The following ACADSB variants were observed in gnomAD, a reference collection of about 807,000 sequenced individuals.
ACADSB encodes the protein short/branched chain specific acyl-CoA dehydrogenase, mitochondrial.
In ACADSB, 40 loss-of-function variants were observed where a neutral mutation model predicts 54.1. The observed-to-expected ratio is 0.74, with a 90% CI of 0.57 to 0.96. ACADSB has a LOEUF of 0.96. Among genes scored for constraint, ACADSB ranks in the 40% least tolerant of loss-of-function variants. The probability of loss-of-function intolerance (pLI) is 0.00; values close to 1 mark genes in which losing one functional copy is unlikely to be tolerated. For missense variants in ACADSB, 530 were observed against 510.4 expected, an observed-to-expected ratio of 1.04 and a Z score of -0.37; for synonymous variants, 182 against 182.8, an observed-to-expected ratio of 1.00 and a Z score of 0.03.
At chr10:123,045,137 A>G in intron 7 of ACADSB, among the ~76,000 whole-genome samples, 2 of 10,950 alleles carry the variant, frequency 1.8e-4, no homozygotes, top group Admixed American at 3.3e-3. Context: ...GAGTGTATAT[A>G]TATATATATA....
chr10:123,043,233 G>A, intron 6 of ACADSB, 62 bp downstream of exon 6: 1 of 1,601,718 alleles, frequency 6.2e-7, no homozygotes, highest in East Asian at 2.2e-5. Context: ...TGGAACCACA[G>A]GAGGTGTGCA....
chr10:123,051,305 T>G (rs779679250), intron 9 of ACADSB, 119 bp downstream of exon 9: 42 of 1,242,882 alleles, frequency 3.4e-5, no homozygotes, highest in Middle Eastern at 5.7e-4. Context: ...TTTTTCAAGT[T>G]AAGATAACAT....
intron 5 of ACADSB, among the ~76,000 whole-genome samples, chr10:123,042,645 A>G (rs979079600): frequency 2.0e-5 from 3 of 150,124 alleles, no homozygotes; most frequent in Non-Finnish European, 3.0e-5. Context: ...ACGTTTTTTC[A>G]CCATGTTGGC....
At chr10:123,045,180 T>A (rs1850544938) in intron 7 of ACADSB, among the ~76,000 whole-genome samples, 6 of 78,894 alleles carry the variant, frequency 7.6e-5, no homozygotes, top group African/African-American at 2.9e-4. Context: ...TATTTTTTTT[T>A]TTTTTTTTTT....
intron 6 of ACADSB, 76 bp from the exon 7 acceptor site, chr10:123,044,317 G>A: frequency 7.9e-7 from 1 of 1,260,532 alleles, no homozygotes; most frequent in African/African-American, 1.5e-5. Flanking sequence ...GAGAGTCTAT[G>A]TGTACTTACA....
chr10:123,036,294 C>G (rs1423333582), intron 2 of ACADSB, among the ~76,000 whole-genome samples: 1 of 152,164 alleles, frequency 6.6e-6, no homozygotes, highest in East Asian at 1.9e-4. Flanking sequence ...ACCATGTTAG[C>G]CAGGCTGGTC....
chr10:123,010,892 G>T (rs763271263), intron 1 of ACADSB, among the ~76,000 whole-genome samples: 3 of 152,210 alleles, frequency 2.0e-5, no homozygotes, highest in Non-Finnish European at 2.9e-5. Context: ...AGGGGCTACA[G>T]TCTGCGTGCA....
At position 123,056,347 on chromosome 10, in the gene ACADSB, G is replaced by A; in HGVS notation, c.*2582G>A. 4.3e-6 allele frequency: 1 copy of A among 230,438 alleles called. No homozygotes were observed. Among genetic ancestry groups the A allele is most frequent in the Non-Finnish European group, 8.6e-6 (1 of 116,556 alleles). 14.3% of individuals were successfully genotyped at this position (230,438 alleles called of 1,614,324 possible). ...GGTGGCAAGAGAAAATGAAGAAGAA[G>A]CAAAAGTGGAAACCCCTGATAAACC... On this transcript the variant is annotated 3_prime_UTR_variant, in exon 11 of 11. Coordinates refer to ENST00000358776, the MANE Select transcript of ACADSB (RefSeq NM_001609.4).
chr10:123,043,282 C>A, intron 6 of ACADSB, 111 bp downstream of exon 6: 1 of 1,341,346 alleles, frequency 7.5e-7, no homozygotes. Flanking sequence ...TAAGCACACG[C>A]AGGAGAGTAT....
At chr10:123,032,907 C>T (rs1850347122) in intron 1 of ACADSB, among the ~76,000 whole-genome samples, 1 of 151,948 alleles carries the variant, frequency 6.6e-6, no homozygotes. Context: ...CCATTCTTTC[C>T]CCCCTTTCTT....
intron 7 of ACADSB, among the ~76,000 whole-genome samples, chr10:123,046,979 G>C (rs1038761916): frequency 2.0e-5 from 3 of 152,208 alleles, no homozygotes; most frequent in African/African-American, 7.2e-5. Flanking sequence ...AGAATTAAAT[G>C]TGCTCATATT....
At chr10:123,047,455 A>G (rs1056667319) in intron 8 of ACADSB, among the ~76,000 whole-genome samples, 157 bp downstream of exon 8, 1 of 151,938 alleles carries the variant, frequency 6.6e-6, no homozygotes, top group East Asian at 1.9e-4. Flanking sequence ...TGTACTTGTG[A>G]ATGCCTTGAT....
Position 123,034,456 on chromosome 10 carries a change from G to A in ACADSB, c.143G>A (p.Gly48Glu). The change falls in exon 2 of 11, where the codon GGA becomes GAA. Residue 48 changes from glycine (G) to glutamate (E), a missense_variant. By Grantham distance (98) the Gly-to-Glu change is moderately conservative. Coordinates refer to ENST00000358776, the MANE Select transcript of ACADSB (RefSeq NM_001609.4). ...GCTCTACTCAATATAACAAATAATGGAATACACTTTGCTCCCCTGCAAACA... is the reference window on the plus strand; with the variant it reads ...GCTCTACTCAATATAACAAATAATGAAATACACTTTGCTCCCCTGCAAACA... ...SEALLNITNN[G>E]IHFAPLQTFT... 6.2e-7 allele frequency: 1 copy of A among 1,612,930 alleles called. No homozygotes were observed. Among genetic ancestry groups the A allele is most frequent in the Non-Finnish European group, 8.5e-7 (1 of 1,179,844 alleles).
rs1850676251 is a variant in ACADSB at position 123,054,272 on chromosome 10, G to A, written c.*507G>A. On this transcript the variant is annotated 3_prime_UTR_variant, in exon 11 of 11. Coordinates refer to ENST00000358776, the MANE Select transcript of ACADSB (RefSeq NM_001609.4). ...CTGGCTTCTGGATATCGCCCACCTT[G>A]GCCTCCCAAAGTGCTGGGATTACAG... 1 of 158,892 alleles carries A rather than the reference G, an allele frequency of 6.3e-6. No homozygotes were observed. The highest frequency in any genetic ancestry group is 2.4e-5 in the African/African-American group (1 of 41,434). The allele number at this position is 158,892 out of a possible 1,614,324, so 9.8% of individuals were successfully genotyped here.
chr10:123,041,961 C>CTT (rs140208568), intron 5 of ACADSB, among the ~76,000 whole-genome samples: 1 of 122,540 alleles, frequency 8.2e-6, no homozygotes, highest in Admixed American at 9.6e-5. Flanking sequence ...AATCTTTTTT[C>CTT]TTTTCTTTTT....
In ACADSB at chr10:123,057,340, A is replaced by G. The variant is rs1850721560; in HGVS notation, c.*3575A>G. On this transcript the variant is annotated 3_prime_UTR_variant, in exon 11 of 11. Transcript: ENST00000358776. ...TAAAATTAATTATGTGTTATAGTTA[A>G]TATATGCACCTACCTTCTTCCGTTA... 1 of 152,254 alleles carries G rather than the reference A, an allele frequency of 6.6e-6. No individual in the cohort carries two copies. Among genetic ancestry groups the G allele is most frequent in the South Asian group, 2.1e-4 (1 of 4,834 alleles). The allele number at this position is 152,254 out of a possible 1,614,324, so 9.4% of individuals were successfully genotyped here.
At position 123,057,915 on chromosome 10, in the gene ACADSB, T is replaced by C. The variant is rs1369243472; in HGVS notation, c.*4150T>C. 1 of 152,240 alleles carries C rather than the reference T, an allele frequency of 6.6e-6. No homozygotes were observed. Among genetic ancestry groups the C allele is most frequent in the Non-Finnish European group, 1.5e-5 (1 of 68,048 alleles). 9.4% of individuals were successfully genotyped at this position (152,240 alleles called of 1,614,324 possible). On this transcript the variant is annotated 3_prime_UTR_variant, in exon 11 of 11. Coordinates refer to ENST00000358776, the MANE Select transcript of ACADSB (RefSeq NM_001609.4). The stretch of plus-strand genomic sequence containing the variant: ...TGCCCCTTTCGACAAATTTTGGATT[T>C]CATTCTTGTTATATTTCAGTACTCT...
chr10:123,009,039 C>A lies in ACADSB; in HGVS notation c.10C>A (p.Leu4Met). 1 of 1,548,096 alleles carries A rather than the reference C, an allele frequency of 6.5e-7. No homozygotes were observed. The highest frequency in any genetic ancestry group is 1.2e-5 in the South Asian group (1 of 84,032). Reference protein sequence around the residue: MEGLAVRLLRGSRL... With the variant: MEGMAVRLLRGSRL... ...GAGGCCTGCGGCGAGGATGGAGGGC[C>A]TGGCAGTGCGGTTGCTGCGCGGCAG... Residue 4 changes from leucine (L) to methionine (M), a missense_variant, in exon 1 of 11, where the codon CTG becomes ATG. Leu to Met is a conservative substitution (Grantham distance 15). Transcript: ENST00000358776.
intron 1 of ACADSB, among the ~76,000 whole-genome samples, chr10:123,033,100 C>T (rs930889704): frequency 6.6e-6 from 1 of 152,200 alleles, no homozygotes; most frequent in Non-Finnish European, 1.5e-5. Flanking sequence ...GTCCTCCTTT[C>T]TAGCCCAAAG....
Sources: allele counts gnomAD v4.1 joint callset (sites outside exome capture counted in the v4.1 genomes callset), GRCh38; gene constraint gnomAD v4.1.1; transcripts MANE v1.5; gene names NCBI Gene and HGNC (gene_info 2026-07-23, HGNC 2026-07-21).